The following IRAK2 variants were observed in gnomAD, a reference collection of about 807,000 sequenced individuals.
IRAK2 encodes interleukin 1 receptor associated kinase 2.
A neutral mutation model predicts 72.0 loss-of-function variants in IRAK2; 57 were observed. The observed-to-expected ratio is 0.79, with a 90% CI of 0.64 to 0.99. The LOEUF (loss-of-function observed/expected upper bound fraction) is 0.99. Ranked by LOEUF, IRAK2 falls within the 50% of genes least tolerant of loss-of-function variation. The pLI, the probability that IRAK2 is intolerant of heterozygous loss-of-function variation, is 0.00. For missense variants in IRAK2, 790 were observed against 794.4 expected (o/e 0.99, Z 0.07); for synonymous variants, 293 against 312.7 (o/e 0.94, Z 0.67).
At position 10,242,273 on chromosome 3, in the gene IRAK2, G is replaced by A. The variant is rs1456586090; in HGVS notation, c.*45G>A. On this transcript the variant is annotated 3_prime_UTR_variant, in exon 13 of 13. Coordinates refer to ENST00000256458, the MANE Select transcript of IRAK2 (RefSeq NM_001570.4). ...GACCCTTGTCCTCAGTTGGAAAGAT[G>A]AGCATCAGATCAAGAAAAAGGTCTG... 8.7e-7 allele frequency: 1 copy of A among 1,153,964 alleles called. No homozygotes were observed. Among genetic ancestry groups the A allele is most frequent in the East Asian group, 2.4e-5 (1 of 41,620 alleles). 71.5% of individuals were successfully genotyped at this position (1,153,964 alleles called of 1,614,324 possible).
Position 10,226,267 on chromosome 3 carries a change from G to C in IRAK2, c.1210-104G>C. 3.5e-6 allele frequency: 3 copies of C among 860,888 alleles called. No homozygotes were observed. In the Admixed American group the frequency reaches 7.0e-5, roughly 20 times the overall value. 53.3% of individuals were successfully genotyped at this position (860,888 alleles called of 1,614,324 possible). A position where few individuals can be genotyped will look rare whatever the true frequency, so the allele number is the denominator to read the frequency against. ...GCAGGTGTGTCTGCTGGCAATGGCA[G>C]AGCTGCACCTGGAGCTCAGAACTGA... On this transcript the variant is annotated intron_variant, in intron 9 of 12. Coordinates refer to ENST00000256458, the MANE Select transcript of IRAK2 (RefSeq NM_001570.4).
chr3:10,169,072 C>T (rs1180747666), intron 1 of IRAK2, among the ~76,000 whole-genome samples: 2 of 151,938 alleles, frequency 1.3e-5, no homozygotes, highest in Non-Finnish European at 2.9e-5. Flanking sequence ...TTGGTAGGAC[C>T]GTGATGGTGA....
At chr3:10,184,903 A>AT (rs370395880) in intron 2 of IRAK2, among the ~76,000 whole-genome samples, 16,513 of 123,550 alleles carry the variant, frequency 0.13, 1,240 homozygotes, top group Admixed American at 0.26. Context: ...CTATTTTTTT[A>AT]TTTTTTTTTA....
chr3:10,230,238 G>C (rs1490019101), intron 10 of IRAK2, among the ~76,000 whole-genome samples: 1 of 151,966 alleles, frequency 6.6e-6, no homozygotes, highest in Non-Finnish European at 1.5e-5. Context: ...TGAAAACATT[G>C]TATCACATAT....
Position 10,238,741 on chromosome 3 carries a change from C to T in IRAK2, c.1474-7C>T. 6.2e-7 allele frequency: 1 copy of T among 1,613,290 alleles called. No individual in the cohort carries two copies. Among genetic ancestry groups the T allele is most frequent in the Non-Finnish European group, 8.5e-7 (1 of 1,179,518 alleles). Reference sequence around the variant, plus strand: ...TGATGAGCTCCCTTCTCTCTCTTCTCCCAAAGGTGTGTGGCTCTGTGGCTG... The same window carrying T: ...TGATGAGCTCCCTTCTCTCTCTTCTTCCAAAGGTGTGTGGCTCTGTGGCTG... On this transcript the variant is annotated splice_polypyrimidine_tract_variant and splice_region_variant and intron_variant, in intron 11 of 12. Transcript: ENST00000256458.
Position 10,209,779 on chromosome 3 carries a change from G to T in IRAK2, c.528+87G>T, listed in dbSNP as rs11465888. ...AAAATGCAATTTCTCTACCCCTTGA[G>T]ACCAGTTTAAGGGTGGAGAGGAGAA... On this transcript the variant is annotated intron_variant, in intron 4 of 12. Coordinates refer to ENST00000256458, the MANE Select transcript of IRAK2 (RefSeq NM_001570.4). 2.1e-4 allele frequency: 156 copies of T among 744,582 alleles called. 1 individual carries two copies. The African/African-American group carries it at 2.6e-3, about 12-fold the overall frequency. 46.1% of individuals were successfully genotyped at this position (744,582 alleles called of 1,614,324 possible). A position where few individuals can be genotyped will look rare whatever the true frequency, so the allele number is the denominator to read the frequency against.
chr3:10,198,092 G>A (rs1379352521), intron 2 of IRAK2, among the ~76,000 whole-genome samples: 8 of 152,076 alleles, frequency 5.3e-5, no homozygotes, highest in African/African-American at 4.8e-5. Context: ...CCAGCTACAC[G>A]GGAGGCTGAG....
At chr3:10,195,538 C>T (rs1221688343) in intron 2 of IRAK2, among the ~76,000 whole-genome samples, 2 of 149,814 alleles carry the variant, frequency 1.3e-5, no homozygotes, top group African/African-American at 5.0e-5. Context: ...GACAGAGCAA[C>T]ACCCTGTCTC....
At chr3:10,224,521 G>GGCACCCTGCACCCTGCACCCTGCACCCT (rs1047709069) in intron 9 of IRAK2, among the ~76,000 whole-genome samples, 2 of 120,638 alleles carry the variant, frequency 1.7e-5, no homozygotes, top group African/African-American at 6.3e-5. Flanking sequence ...AGGTGAGCAT[G>GGCACCCTGCACCCTGCACCCTGCACCCT]GCACCCTGCA....
chr3:10,167,527 G>T, intron 1 of IRAK2, among the ~76,000 whole-genome samples: 1 of 151,748 alleles, frequency 6.6e-6, no homozygotes, highest in East Asian at 1.9e-4. Flanking sequence ...CCATTCTCCT[G>T]CTTCAGCCTC....
rs201006582 is a variant in IRAK2 at position 10,238,946 on chromosome 3, A to G, written c.1672A>G (p.Thr558Ala). Residue 558 changes from threonine (T) to alanine (A), a missense_variant, in exon 12 of 13, where the codon ACA (threonine) becomes GCA (alanine). By Grantham distance (58) the Thr-to-Ala change is moderately conservative. Transcript: ENST00000256458. ...AGGGGCTGCCACCCCACTTCTCCCCACAGAGAATGGGGAAGGAAGGCTGCG... is the reference window on the plus strand; with the variant it reads ...AGGGGCTGCCACCCCACTTCTCCCCGCAGAGAATGGGGAAGGAAGGCTGCG... Reference protein sequence around the residue: ...WAGAATPLLPTENGEGRLRVI... With the variant: ...WAGAATPLLPAENGEGRLRVI... 4.4e-5 allele frequency: 71 copies of G among 1,613,744 alleles called. No homozygotes were observed. Among genetic ancestry groups the G allele is most frequent in the Non-Finnish European group, 5.6e-5 (66 of 1,179,918 alleles).
chr3:10,241,051 A>G (rs1698052050), intron 12 of IRAK2, among the ~76,000 whole-genome samples: 1 of 151,880 alleles, frequency 6.6e-6, no homozygotes, highest in Non-Finnish European at 1.5e-5. Flanking sequence ...GGAACAGGGA[A>G]ACCCTCTCCT....
intron 11 of IRAK2, among the ~76,000 whole-genome samples, chr3:10,237,068 T>C (rs1697972749): frequency 6.6e-6 from 1 of 152,220 alleles, no homozygotes; most frequent in Non-Finnish European, 1.5e-5. Context: ...CACACTCCCT[T>C]TCTTTTAAAG....
At chr3:10,230,168 C>A (rs1300504456) in intron 10 of IRAK2, among the ~76,000 whole-genome samples, 2 of 151,996 alleles carry the variant, frequency 1.3e-5, no homozygotes, top group Non-Finnish European at 2.9e-5. Flanking sequence ...GTGAACAAAG[C>A]AAATTCAGAA....
Position 10,234,731 on chromosome 3 carries a change from G to T in IRAK2, c.1473+72G>T, listed in dbSNP as rs1443260006. On this transcript the variant is annotated intron_variant, in intron 11 of 12. Coordinates refer to ENST00000256458, the MANE Select transcript of IRAK2 (RefSeq NM_001570.4). ...CCACCTCATCGGGGACGGCCCCTTCGCAGAGGCCTGGTGCACAAACCAGGG... is the reference window on the plus strand; with the variant it reads ...CCACCTCATCGGGGACGGCCCCTTCTCAGAGGCCTGGTGCACAAACCAGGG... 5 of 1,318,050 alleles carry T rather than the reference G, an allele frequency of 3.8e-6. No individual in the cohort carries two copies. In the East Asian group the frequency reaches 1.2e-4, roughly 31 times the overall value. The allele number at this position is 1,318,050 out of a possible 1,614,324, so 81.6% of individuals were successfully genotyped here.
At chr3:10,185,280 C>T (rs377588956) in intron 2 of IRAK2, among the ~76,000 whole-genome samples, 9 of 150,104 alleles carry the variant, frequency 6.0e-5, no homozygotes, top group South Asian at 2.1e-4. Flanking sequence ...CTGCTCGGCC[C>T]GGCGCGGTGG....
chr3:10,208,280 T>C (rs1227732635), intron 3 of IRAK2, among the ~76,000 whole-genome samples: 1 of 151,956 alleles, frequency 6.6e-6, no homozygotes, highest in African/African-American at 2.4e-5. Flanking sequence ...CTGATTGGCA[T>C]GAGGATTAGA....
chr3:10,232,494 C>T (rs1697876562), intron 10 of IRAK2, among the ~76,000 whole-genome samples: 1 of 152,150 alleles, frequency 6.6e-6, no homozygotes, highest in South Asian at 2.1e-4. Context: ...TAAGATTGAT[C>T]AGTGGTTTCA....
chr3:10,208,675 A>C (rs988286282), intron 3 of IRAK2, among the ~76,000 whole-genome samples: 2 of 151,684 alleles, frequency 1.3e-5, no homozygotes, highest in Non-Finnish European at 2.9e-5. Context: ...AGGCAGGAGA[A>C]TGGTGTGAAC....
Sources: gnomAD v4.1 joint callset for allele counts (sites outside exome capture counted in the v4.1 genomes callset) on GRCh38, gnomAD v4.1.1 for gene constraint, MANE v1.5 for transcripts, NCBI Gene and HGNC (gene_info 2026-07-23, HGNC 2026-07-21) for gene names.